Variants in ZDHHC14 observed in about 807,000 individuals in gnomAD.
ZDHHC14 encodes the protein zDHHC palmitoyltransferase 14.
In ZDHHC14, 16 loss-of-function variants were observed where a neutral mutation model predicts 47.7. The ratio of observed to expected loss-of-function variants is 0.34; its 90% CI spans 0.23 to 0.51. The LOEUF (loss-of-function observed/expected upper bound fraction) is 0.51. ZDHHC14 is among the 20% of genes least tolerant of loss of function. ZDHHC14 has a pLI of 0.97. For synonymous variants in ZDHHC14, 293 were observed against 278.9 expected, an observed-to-expected ratio of 1.05 and a Z score of -0.50; for missense variants, 515 against 662.5, an observed-to-expected ratio of 0.78 and a Z score of 2.44.
intron 1 of ZDHHC14, among the ~76,000 whole-genome samples, chr6:157,392,026 A>G (rs1214081734): frequency 6.6e-6 from 1 of 151,824 alleles, no homozygotes; most frequent in Non-Finnish European, 1.5e-5. Flanking sequence ...ATTTGCTGTC[A>G]TTTTGTATGT....
At chr6:157,425,744 G>A (rs907045853) in intron 1 of ZDHHC14, among the ~76,000 whole-genome samples, 5 of 152,204 alleles carry the variant, frequency 3.3e-5, no homozygotes, top group East Asian at 1.9e-4. Flanking sequence ...TGGGCCATCC[G>A]GTCCCTGTTT....
intron 3 of ZDHHC14, among the ~76,000 whole-genome samples, chr6:157,612,393 C>T (rs1264883272): frequency 2.6e-5 from 4 of 152,196 alleles, no homozygotes; most frequent in Non-Finnish European, 4.4e-5. Flanking sequence ...ACCTAGTATA[C>T]AAGACCCACC....
chr6:157,588,963 G>A (rs1432333391), intron 2 of ZDHHC14, among the ~76,000 whole-genome samples: 1 of 152,080 alleles, frequency 6.6e-6, no homozygotes, highest in East Asian at 1.9e-4. Context: ...TCTCATCTTT[G>A]GCTGCAGATT....
chr6:157,477,187 C>G (rs994045853), intron 1 of ZDHHC14, among the ~76,000 whole-genome samples: 1 of 152,194 alleles, frequency 6.6e-6, no homozygotes, highest in Non-Finnish European at 1.5e-5. Flanking sequence ...CGAGGCCAGC[C>G]TGACCAACAT....
chr6:157,572,170 C>T (rs897714873), intron 2 of ZDHHC14, among the ~76,000 whole-genome samples: 5 of 152,050 alleles, frequency 3.3e-5, no homozygotes, highest in African/African-American at 1.2e-4. Flanking sequence ...GGGGCTGGAA[C>T]GTTCTTTGTT....
intron 1 of ZDHHC14, among the ~76,000 whole-genome samples, chr6:157,486,555 A>G (rs35530943): frequency 0.24 from 35,899 of 152,110 alleles, 4,668 homozygotes; most frequent in East Asian, 0.39. Context: ...ATGAGCACAT[A>G]TTGAGCACCT....
At chr6:157,432,058 C>T (rs9346764) in intron 1 of ZDHHC14, among the ~76,000 whole-genome samples, 36,023 of 152,000 alleles carry the variant, frequency 0.24, 4,510 homozygotes, top group African/African-American at 0.31. Flanking sequence ...ATGTTGCTTT[C>T]ATTTTTTACT....
At chr6:157,602,047 C>T (rs1166946724) in intron 3 of ZDHHC14, among the ~76,000 whole-genome samples, 2 of 151,750 alleles carry the variant, frequency 1.3e-5, no homozygotes, top group African/African-American at 4.8e-5. Flanking sequence ...ACTAAAAATA[C>T]AAAAATTGGC....
chr6:157,466,963 G>A (rs971137201), intron 1 of ZDHHC14, among the ~76,000 whole-genome samples: 33 of 151,936 alleles, frequency 2.2e-4, no homozygotes, highest in South Asian at 2.1e-4. Context: ...CTCACATGGC[G>A]AGGCTCATTC....
intron 1 of ZDHHC14, among the ~76,000 whole-genome samples, chr6:157,493,886 G>A (rs543336821): frequency 2.6e-5 from 4 of 152,314 alleles, no homozygotes; most frequent in Admixed American, 2.0e-4. Context: ...CCGCTCCCAT[G>A]GCACCTCTTA....
At chr6:157,569,774 C>T (rs974885307) in intron 2 of ZDHHC14, among the ~76,000 whole-genome samples, 5 of 151,940 alleles carry the variant, frequency 3.3e-5, no homozygotes, top group Non-Finnish European at 7.4e-5. Context: ...TTTCTTCACA[C>T]GGAAGCTACC....
intron 1 of ZDHHC14, among the ~76,000 whole-genome samples, chr6:157,512,292 G>A (rs889200851): frequency 1.6e-4 from 24 of 152,194 alleles, no homozygotes; most frequent in Admixed American, 1.4e-3. Context: ...CCGCTGGGGG[G>A]CCCTCTGTAG....
intron 1 of ZDHHC14, among the ~76,000 whole-genome samples, chr6:157,387,475 A>G (rs1309358629): frequency 6.6e-6 from 1 of 152,204 alleles, no homozygotes; most frequent in East Asian, 1.9e-4. Context: ...CTCAGAAAAT[A>G]TCTGCATAGG....
chr6:157,677,234 C>T lies in ZDHHC14; in HGVS notation c.*4112C>T, dbSNP rs1293750649. 4.4e-5 allele frequency: 6 copies of T among 137,782 alleles called. No homozygotes were observed. In the East Asian group the frequency reaches 6.2e-4, roughly 14 times the overall value. 8.5% of individuals were successfully genotyped at this position (137,782 alleles called of 1,614,324 possible). On this transcript the variant is annotated 3_prime_UTR_variant, in exon 9 of 9. Transcript: ENST00000359775. Reference sequence around the variant, plus strand: ...AGTTGTATGCTATTTTCCAAGGTACCTCATTTAAAAAAAAAAAAAAAAAAA... The same window carrying T: ...AGTTGTATGCTATTTTCCAAGGTACTTCATTTAAAAAAAAAAAAAAAAAAA...
chr6:157,599,220 C>A (rs1438735784), intron 3 of ZDHHC14, among the ~76,000 whole-genome samples: 1 of 152,208 alleles, frequency 6.6e-6, no homozygotes, highest in East Asian at 1.9e-4. Context: ...CCGGTAGAAT[C>A]AACAAGGAGG....
chr6:157,572,500 T>TATC (rs1482820743), intron 2 of ZDHHC14, among the ~76,000 whole-genome samples: 1 of 152,144 alleles, frequency 6.6e-6, no homozygotes, highest in East Asian at 1.9e-4. Context: ...TTTTTTATTT[T>TATC]ATTATTATTA....
chr6:157,469,449 C>A (rs751785740), intron 1 of ZDHHC14, among the ~76,000 whole-genome samples: 2 of 152,194 alleles, frequency 1.3e-5, no homozygotes, highest in African/African-American at 2.4e-5. Flanking sequence ...GGGAATCTTA[C>A]GCAATAATCA....
At chr6:157,563,165 G>T (rs1223721904) in intron 2 of ZDHHC14, among the ~76,000 whole-genome samples, 1 of 152,210 alleles carries the variant, frequency 6.6e-6, no homozygotes, top group Non-Finnish European at 1.5e-5. Flanking sequence ...AAGCCTGGAG[G>T]CTGGAGGGGA....
chr6:157,522,177 G>A (rs1199757676), intron 1 of ZDHHC14, among the ~76,000 whole-genome samples: 1 of 152,050 alleles, frequency 6.6e-6, no homozygotes, highest in African/African-American at 2.4e-5. Flanking sequence ...CAGTTGCCAC[G>A]AAAATTCAAT....
Sources: gnomAD v4.1 joint callset for allele counts (sites outside exome capture counted in the v4.1 genomes callset) on GRCh38, gnomAD v4.1.1 for gene constraint, MANE v1.5 for transcripts, NCBI Gene and HGNC (gene_info 2026-07-23, HGNC 2026-07-21) for gene names.